The following KIF26A variants were observed in gnomAD, a reference collection of about 807,000 sequenced individuals.
The protein encoded by KIF26A is kinesin-like protein KIF26A.
Under a neutral mutation model 126.0 loss-of-function variants are expected in KIF26A, and 74 were observed. The ratio of observed to expected loss-of-function variants is 0.59; its 90% confidence interval spans 0.49 to 0.71. KIF26A has a LOEUF of 0.71. KIF26A is among the 30% of genes least tolerant of loss of function. The probability of loss-of-function intolerance (pLI) is 0.00; values close to 1 mark genes in which losing one functional copy is unlikely to be tolerated. For synonymous variants in KIF26A, 1,445 were observed against 1,232.7 expected, an observed-to-expected ratio of 1.17 and a Z score of -3.61; for missense variants, 2,984 against 2,763.3, an observed-to-expected ratio of 1.08 and a Z score of -1.79.
chr14:104,165,037 A>G (rs1247331037), intron 4 of KIF26A, among the ~76,000 whole-genome samples: 7 of 134,286 alleles, frequency 5.2e-5, no homozygotes, highest in African/African-American at 1.4e-4. Context: ...GTGTGTCTGT[A>G]TGTGTATGTG....
At chr14:104,172,891 C>A (rs992653570) in intron 7 of KIF26A, 86 bp from the exon 8 acceptor site, 6 of 1,440,566 alleles carry the variant, frequency 4.2e-6, no homozygotes, top group Admixed American at 5.1e-5. Context: ...GATCTCGGTG[C>A]CCCTGGTTGG....
rs746685324 is a variant in KIF26A, at chr14:104,176,849, C to A, written c.4061C>A (p.Pro1354Gln). Reference protein sequence around the residue: ...KGLAPKAGFLPRPSGAAPPAP... With the variant: ...KGLAPKAGFLQRPSGAAPPAP... ...CTGGCTCCCAAGGCGGGCTTCCTCC[C>A]GAGGCCCAGTGGGGCGGCCCCCCCG... Residue 1354 changes from proline to glutamine, a missense_variant, in exon 12 of 15, where the codon CCG (proline) becomes CAG (glutamine). Physicochemically the swap from Pro to Gln is moderately conservative, Grantham distance 76. Transcript: ENST00000423312. The A allele has an allele frequency of 7.1e-6, 11 of 1,545,222 alleles. No individual in the cohort carries two copies. Among genetic ancestry groups the A allele is most frequent in the Middle Eastern group, 1.8e-4 (1 of 5,466 alleles).
chr14:104,158,234 C>T (rs1280368053), intron 4 of KIF26A, among the ~76,000 whole-genome samples: 1 of 152,254 alleles, frequency 6.6e-6, no homozygotes, highest in Admixed American at 6.5e-5. Flanking sequence ...CTCTTCTGAG[C>T]TGTGCAATCT....
intron 5 of KIF26A, among the ~76,000 whole-genome samples, chr14:104,168,264 C>T (rs2037925345): frequency 6.6e-6 from 1 of 152,176 alleles, no homozygotes; most frequent in Non-Finnish European, 1.5e-5. Context: ...CTGGCCACGC[C>T]CTCAGTGGTG....
At chr14:104,170,638 G>A (rs1266961009) in intron 5 of KIF26A, among the ~76,000 whole-genome samples, 2 of 152,274 alleles carry the variant, frequency 1.3e-5, no homozygotes, top group Non-Finnish European at 2.9e-5. Context: ...AATGGGGCCT[G>A]TCTCTGGCTC....
rs2038052957 is a variant in KIF26A at position 104,177,896 on chromosome 14, C to T, written c.5108C>T (p.Thr1703Ile). The change falls in exon 12 of 15, where the codon ACA becomes ATA. Residue 1703 changes from threonine to isoleucine, a missense_variant and splice_region_variant. Thr to Ile is a moderately conservative substitution (Grantham distance 89). Coordinates refer to ENST00000423312, the MANE Select transcript of KIF26A (RefSeq NM_015656.2). Reference sequence around the variant, plus strand: ...CTCAAGTCCCCCAAGAAGAGGGCCACAGGTGGGTGCAGAGGTGCACAGCCC... The same window carrying T: ...CTCAAGTCCCCCAAGAAGAGGGCCATAGGTGGGTGCAGAGGTGCACAGCCC... ...RSLKSPKKRA[T>I]GLQRRRLIPA... 4.6e-6 allele frequency: 7 copies of T among 1,528,342 alleles called. No individual in the cohort carries two copies. The highest frequency in any genetic ancestry group is 1.4e-5 in the African/African-American group (1 of 72,580). The allele number at this position is 1,528,342 out of a possible 1,614,324, so 94.7% of individuals were successfully genotyped here.
At chr14:104,163,925 C>T (rs1263814842) in intron 4 of KIF26A, among the ~76,000 whole-genome samples, 2 of 152,112 alleles carry the variant, frequency 1.3e-5, no homozygotes, top group Non-Finnish European at 2.9e-5. Context: ...GGGTTTGGTT[C>T]CTGGGATTCT....
At chr14:104,162,226 G>C (rs1470066497) in intron 4 of KIF26A, among the ~76,000 whole-genome samples, 1 of 152,214 alleles carries the variant, frequency 6.6e-6, no homozygotes, top group Non-Finnish European at 1.5e-5. Context: ...GCCTGTTGGC[G>C]ATGGGCCCCA....
intron 4 of KIF26A, 127 bp downstream of exon 4, chr14:104,158,069 G>C (rs2037799698): frequency 1.1e-6 from 1 of 928,916 alleles, no homozygotes; most frequent in Non-Finnish European, 1.5e-6. Flanking sequence ...CGAGTGGATG[G>C]GGAGCTGCTC....
At position 104,171,749 on chromosome 14, in the gene KIF26A, C is replaced by T; in HGVS notation, c.1140C>T (p.Pro380=). Residue 380 remains proline, a synonymous_variant, in exon 6 of 15, where the codon CCC becomes CCT. Coordinates refer to ENST00000423312, the MANE Select transcript of KIF26A (RefSeq NM_015656.2). ...TGAAGGTTATGCTGCGGATCTGGCC[C>T]GCACAGGGGGCCCAGCGCTCGGCCG... ...GKVKVMLRIW[P]AQGAQRSAEA... 6.3e-7 allele frequency: 1 copy of T among 1,579,194 alleles called. No homozygotes were observed. The highest frequency in any genetic ancestry group is 1.2e-5 in the South Asian group (1 of 86,150).
At chr14:104,161,436 C>T (rs1014972155) in intron 4 of KIF26A, among the ~76,000 whole-genome samples, 1 of 152,202 alleles carries the variant, frequency 6.6e-6, no homozygotes, top group Non-Finnish European at 1.5e-5. Context: ...AATTAAGGGC[C>T]TCACCATCAA....
chr14:104,171,170 G>A (rs1334698500), intron 5 of KIF26A, among the ~76,000 whole-genome samples: 1 of 152,238 alleles, frequency 6.6e-6, no homozygotes, highest in African/African-American at 2.4e-5. Context: ...ACTCTAGTCC[G>A]GCAGGCCACA....
Position 104,171,914 on chromosome 14 carries a change from C to G in KIF26A, c.1305C>G (p.Val435=). ...CCAAGATGTTTGCCTTCGATGCCGT[C>G]TTCCCCCAGGACTCCGAGCAGGTAC... The part of the protein sequence containing the change: ...AVPKMFAFDA[V]FPQDSEQAEV... Residue 435 remains valine (V), a synonymous_variant, in exon 6 of 15, where the codon GTC becomes GTG. Transcript: ENST00000423312. 3 of 1,555,018 alleles carry G rather than the reference C, an allele frequency of 1.9e-6. No individual in the cohort carries two copies. The highest frequency in any genetic ancestry group is 1.7e-6 in the Non-Finnish European group (2 of 1,150,244).
chr14:104,142,530 C>T lies in KIF26A; in HGVS notation c.288+3242C>T, dbSNP rs369782368. Among the ~76,000 whole-genome samples, 5 of 152,174 alleles carry T rather than the reference C, an allele frequency of 3.3e-5. No homozygotes were observed. In the East Asian group the frequency reaches 5.8e-4, roughly 18 times the overall value. On this transcript the variant is annotated intron_variant, in intron 2 of 14. Transcript: ENST00000423312. ...TCCTCATCCCAAGACCCCCTGGCCT[C>T]CCTGGGCTGGAGGCCCCTCAGTGTC...
chr14:104,178,815 A>G (rs1259719453), intron 13 of KIF26A, 60 bp downstream of exon 13: 5 of 998,460 alleles, frequency 5.0e-6, no homozygotes, highest in African/African-American at 1.6e-5. Flanking sequence ...CGCGGATGGC[A>G]GAGTGAGCCA....
At chr14:104,146,098 T>G (rs1400412691) in intron 2 of KIF26A, among the ~76,000 whole-genome samples, 3 of 151,926 alleles carry the variant, frequency 2.0e-5, no homozygotes, top group Non-Finnish European at 4.4e-5. Context: ...GCGACCCTGG[T>G]GGTGTGGCCT....
intron 3 of KIF26A, among the ~76,000 whole-genome samples, chr14:104,154,369 C>T (rs61997639): frequency 0.075 from 11,456 of 152,244 alleles, 500 homozygotes; most frequent in East Asian, 0.11. Context: ...CTGGGTCTGG[C>T]CAGAAGGCTG....
rs767347521 is a variant in KIF26A at position 104,152,439 on chromosome 14, G to A, written c.713G>A (p.Ser238Asn). The A allele has an allele frequency of 1.3e-6, 2 of 1,584,590 alleles. No homozygotes were observed. The highest frequency in any genetic ancestry group is 1.7e-6 in the Non-Finnish European group (2 of 1,167,026). The change falls in exon 3 of 15, where the codon AGC (serine) becomes AAC (asparagine). Residue 238 changes from serine (S) to asparagine (N), a missense_variant. Ser to Asn is a conservative substitution (Grantham distance 46, BLOSUM62 1). Transcript: ENST00000423312. The surrounding 1 kb of genome is among the most constrained non-coding windows in gnomAD (Gnocchi z 5.9). ...ATGTGGAGTGTCTCGCGGGTCAACA[G>A]CTTCCTCCCGCCGGCGTGCCTGGTG... ...EGMWSVSRVN[S>N]FLPPACLAEA...
At chr14:104,177,967 A>G in intron 12 of KIF26A, 69 bp downstream of exon 12, 15 of 1,392,048 alleles carry the variant, frequency 1.1e-5, no homozygotes, top group Non-Finnish European at 1.4e-5. Context: ...ACAGCCCTCT[A>G]CAGTTTACAG....
Sources: allele counts gnomAD v4.1 joint callset (sites outside exome capture counted in the v4.1 genomes callset), GRCh38; gene constraint gnomAD v4.1.1; non-coding constraint Gnocchi (gnomAD v3.1); transcripts MANE v1.5; gene names NCBI Gene and HGNC (gene_info 2026-07-23, HGNC 2026-07-21).